ALS2CL: variants seen among roughly 807,000 people sequenced by gnomAD.
ALS2CL encodes ALS2 C-terminal like.
ALS2CL carries 112 observed loss-of-function variants against 127.9 expected under a neutral mutation model. The observed-to-expected ratio is 0.88, with a 90% CI of 0.75 to 1.02. The LOEUF (loss-of-function observed/expected upper bound fraction) is 1.02. Ranked by LOEUF, ALS2CL falls within the 50% of genes least tolerant of loss-of-function variation. ALS2CL has a pLI of 0.00. For missense variants in ALS2CL, 1,174 were observed against 1,236.7 expected (o/e 0.95, Z 0.76); for synonymous variants, 519 against 527.6 (o/e 0.98, Z 0.22).
chr3:46,686,174 G>T lies in ALS2CL; in HGVS notation c.666+134C>A. 7.6e-7 allele frequency: 1 copy of T among 1,316,804 alleles called. No homozygotes were observed. The highest frequency in any genetic ancestry group is 1.0e-6 in the Non-Finnish European group (1 of 982,974). The allele number at this position is 1,316,804 out of a possible 1,614,324, so 81.6% of individuals were successfully genotyped here. A position where few individuals can be genotyped will look rare whatever the true frequency, so the allele number is the denominator to read the frequency against. On this transcript the variant is annotated intron_variant, in intron 6 of 25. Transcript: ENST00000318962. The surrounding 1 kb of genome is among the most constrained non-coding windows in gnomAD (Gnocchi z 4.3). ...GGACAGAGGGACCTTACAGCCACCT[G>T]CTTCAGCCATCACTCCCCCTTCCAT...
chr3:46,687,994 G>C, intron 3 of ALS2CL, 104 bp downstream of exon 3: 1 of 1,390,048 alleles, frequency 7.2e-7, no homozygotes, highest in East Asian at 2.4e-5. Flanking sequence ...CCAAACCTTT[G>C]CTTGAACCCT....
intron 14 of ALS2CL, chr3:46,679,719 C>G (rs1699165707): frequency 6.4e-6 from 1 of 156,590 alleles, no homozygotes; most frequent in African/African-American, 2.4e-5. Flanking sequence ...ATTTCCAAAT[C>G]TATTTTGTGT....
At chr3:46,679,410 G>T in intron 14 of ALS2CL, 123 bp from the exon 15 acceptor site, 1 of 812,702 alleles carries the variant, frequency 1.2e-6, no homozygotes, top group Non-Finnish European at 2.0e-6. Context: ...GGGGCCCTGA[G>T]CCTCATCACG....
intron 1 of ALS2CL, among the ~76,000 whole-genome samples, chr3:46,690,762 G>A (rs909340557): frequency 3.3e-5 from 5 of 152,214 alleles, no homozygotes; most frequent in Non-Finnish European, 5.9e-5. Context: ...GGCAGCCAAC[G>A]ATGGGCAGGT....
At chr3:46,688,510 C>G (rs1341363595) in intron 2 of ALS2CL, among the ~76,000 whole-genome samples, 1 of 152,136 alleles carries the variant, frequency 6.6e-6, no homozygotes, top group Non-Finnish European at 1.5e-5. Flanking sequence ...GCAGTATCCT[C>G]GAGGAGGAAA....
chr3:46,692,921 T>A (rs1215040295), intron 1 of ALS2CL, among the ~76,000 whole-genome samples: 1 of 152,196 alleles, frequency 6.6e-6, no homozygotes, highest in Non-Finnish European at 1.5e-5. Flanking sequence ...TCACTCACTC[T>A]GGTATTTCCT....
intron 19 of ALS2CL, 56 bp downstream of exon 19, chr3:46,676,189 G>A: frequency 6.3e-7 from 1 of 1,577,916 alleles, no homozygotes; most frequent in Non-Finnish European, 8.6e-7. Flanking sequence ...CTGATGCCTG[G>A]AAAGGGCACA....
chr3:46,678,446 A>G (rs1699053895), intron 15 of ALS2CL, 57 bp from the exon 16 acceptor site: 2 of 1,570,690 alleles, frequency 1.3e-6, no homozygotes, highest in Admixed American at 1.7e-5. Context: ...CTTCCAGCCA[A>G]TCATGACAGG....
chr3:46,689,531 G>T lies in ALS2CL; in HGVS notation c.-25-66C>A, dbSNP rs540482477. ...AGCAAGGCCAGTGCCCATCCTCTCA[G>T]GCAGGGTGCCCAGAAGCAAGGTCCA... is the stretch of plus-strand genomic sequence containing the variant. On this transcript the variant is annotated intron_variant, in intron 1 of 25. Transcript: ENST00000318962. The T allele has an allele frequency of 1.7e-4, 187 of 1,128,736 alleles. 1 individual carries two copies. Among genetic ancestry groups the T allele is most frequent in the East Asian group, 8.1e-4 (31 of 38,478 alleles). 69.9% of individuals were successfully genotyped at this position (1,128,736 alleles called of 1,614,324 possible).
At chr3:46,677,947 A>ATT (rs139251541) in intron 16 of ALS2CL, among the ~76,000 whole-genome samples, 32 of 98,508 alleles carry the variant, frequency 3.2e-4, no homozygotes, top group African/African-American at 1.1e-3. Context: ...CTTATTTTCT[A>ATT]TTTTTTTTTT....
rs376246370 is a variant in ALS2CL, at chr3:46,681,413, G to A, written c.1275-6C>T. Reference sequence around the variant, plus strand: ...ACACCTCGTCGGTGCTGTACCTGGGGAGGGCCATCAACAACGAGCTCTGCC... The same window carrying A: ...ACACCTCGTCGGTGCTGTACCTGGGAAGGGCCATCAACAACGAGCTCTGCC... On this transcript the variant is annotated splice_region_variant and splice_polypyrimidine_tract_variant and intron_variant, in intron 12 of 25. Coordinates refer to ENST00000318962, the MANE Select transcript of ALS2CL (RefSeq NM_147129.5). This position sits in a 1 kb window ranked among gnomAD's most constrained non-coding sequence, Gnocchi z 4.9. 45 of 1,605,936 alleles carry A rather than the reference G, an allele frequency of 2.8e-5. No individual in the cohort carries two copies. Among genetic ancestry groups the A allele is most frequent in the Non-Finnish European group, 3.7e-5 (43 of 1,173,794 alleles).
intron 7 of ALS2CL, 77 bp downstream of exon 7, chr3:46,685,448 C>G (rs572586660): frequency 2.7e-5 from 42 of 1,577,372 alleles, no homozygotes; most frequent in Non-Finnish European, 3.5e-5. Flanking sequence ...AGCAGCATGC[C>G]CCTTTACTGC....
intron 13 of ALS2CL, 36 bp from the exon 14 acceptor site, chr3:46,680,577 A>G: frequency 6.3e-7 from 1 of 1,591,516 alleles, no homozygotes; most frequent in Non-Finnish European, 8.6e-7. Context: ...GTTGGATCAG[A>G]CTCATTCCCA....
At chr3:46,672,262 C>A in intron 22 of ALS2CL, 61 bp from the exon 23 acceptor site, 1 of 1,595,508 alleles carries the variant, frequency 6.3e-7, no homozygotes, top group South Asian at 1.1e-5. Context: ...ACATCCCCTC[C>A]TTCCCAGGGC....
Position 46,689,437 on chromosome 3 carries a change from A to G in ALS2CL, c.4T>C (p.Cys2Arg). The change falls in exon 2 of 26, where the codon TGC becomes CGC. Residue 2 changes from cysteine to arginine, a missense_variant. Transcript: ENST00000318962. ...AGCAGAGCTGCCTCCTCAGGGTTGC[A>G]CATGGCCAGGTGCCGGACTCAGGGC... The part of the protein sequence containing the change: M[C>R]NPEEAALLRL... 6.2e-7 allele frequency: 1 copy of G among 1,608,296 alleles called. No individual in the cohort carries two copies. Among genetic ancestry groups the G allele is most frequent in the Admixed American group, 1.7e-5 (1 of 59,538 alleles).
In ALS2CL at chr3:46,683,866, A is replaced by T. The variant is rs1699561597; in HGVS notation, c.846-18T>A. The T allele has an allele frequency of 6.2e-7, 1 of 1,613,954 alleles. No individual in the cohort carries two copies. Among genetic ancestry groups the T allele is most frequent in the Non-Finnish European group, 8.5e-7 (1 of 1,179,958 alleles). On this transcript the variant is annotated intron_variant, in intron 8 of 25. Coordinates refer to ENST00000318962, the MANE Select transcript of ALS2CL (RefSeq NM_147129.5). ...ACGTGCACCTAGACAGACGGAGGTG[A>T]TGAGTAGGCCCCAGCTTTGTCCAGG...
chr3:46,682,541 G>A (rs565754549), intron 10 of ALS2CL, among the ~76,000 whole-genome samples: 25 of 152,332 alleles, frequency 1.6e-4, no homozygotes, highest in African/African-American at 5.5e-4. Flanking sequence ...GCTTGAGAGT[G>A]TAGCCTTGTG....
rs1699212232 is a variant in ALS2CL, at chr3:46,680,310, C to T, written c.1548+120G>A. 3 of 1,125,278 alleles carry T rather than the reference C, an allele frequency of 2.7e-6. No homozygotes were observed. The East Asian group carries it at 7.2e-5, about 27-fold the overall frequency. 69.7% of individuals were successfully genotyped at this position (1,125,278 alleles called of 1,614,324 possible). On this transcript the variant is annotated intron_variant, in intron 14 of 25. Coordinates refer to ENST00000318962, the MANE Select transcript of ALS2CL (RefSeq NM_147129.5). The stretch of plus-strand genomic sequence containing the variant: ...TTCCTGCCCAGGTTCTGGCTCCCTC[C>T]AGCACCCAGGAACACAGCCCCCTTT...
At chr3:46,683,873 G>T (rs780992028) in intron 8 of ALS2CL, 25 bp from the exon 9 acceptor site, 20 of 1,613,902 alleles carry the variant, frequency 1.2e-5, no homozygotes, top group Non-Finnish European at 1.6e-5. Context: ...GTGATGAGTA[G>T]GCCCCAGCTT....
Sources: gnomAD v4.1 joint callset for allele counts (sites outside exome capture counted in the v4.1 genomes callset) on GRCh38, gnomAD v4.1.1 for gene constraint, Gnocchi (gnomAD v3.1) non-coding constraint, MANE v1.5 for transcripts, NCBI Gene and HGNC (gene_info 2026-07-23, HGNC 2026-07-21) for gene names.